Variants in PLXNA4 observed in about 807,000 individuals in gnomAD.
PLXNA4 encodes plexin-A4.
Under a neutral mutation model 191.8 loss-of-function variants are expected in PLXNA4, and 44 were observed. The observed-to-expected ratio is 0.23, with a 90% CI of 0.18 to 0.29. The LOEUF (loss-of-function observed/expected upper bound fraction) is 0.29, where lower values mean the gene tolerates loss of function less well. Among genes scored for constraint, PLXNA4 ranks in the 10% least tolerant of loss-of-function variants. The pLI is 1.00. For missense variants in PLXNA4, 1,800 were observed against 2,488.8 expected (o/e 0.72, Z 5.89); for synonymous variants, 1,082 against 1,009.5 (o/e 1.07, Z -1.36).
chr7:132,406,602 TATC>T (rs1343778980), intron 3 of PLXNA4, among the ~76,000 whole-genome samples: 1 of 152,138 alleles, frequency 6.6e-6, no homozygotes, highest in African/African-American at 2.4e-5. Flanking sequence ...ATCTGATTTT[TATC>T]ATGTCTCAAA....
intron 25 of PLXNA4, among the ~76,000 whole-genome samples, chr7:132,153,440 C>T (rs1436242498): frequency 6.6e-6 from 1 of 152,036 alleles, no homozygotes; most frequent in South Asian, 2.1e-4. Flanking sequence ...GGATGGCCAC[C>T]TTTGTCCAAA....
chr7:132,555,057 C>CAAAAAAAAAAACA (rs1329396023), intron 1 of PLXNA4, among the ~76,000 whole-genome samples: 1 of 131,960 alleles, frequency 7.6e-6, no homozygotes, highest in African/African-American at 3.3e-5. Flanking sequence ...AAAAAAAAAA[C>CAAAAAAAAAAACA]AAAAAAAAAA....
At chr7:132,274,589 C>T (rs1271517736) in intron 4 of PLXNA4, among the ~76,000 whole-genome samples, 4 of 152,006 alleles carry the variant, frequency 2.6e-5, no homozygotes, top group Non-Finnish European at 4.4e-5. Flanking sequence ...TCATTTCTAC[C>T]AAGTCCTCAA....
chr7:132,631,358 T>A (rs2116878988), intron 2 of PLXNA4, among the ~76,000 whole-genome samples: 1 of 152,254 alleles, frequency 6.6e-6, no homozygotes, highest in Non-Finnish European at 1.5e-5. Context: ...TCCTATTGAG[T>A]CCTCAAAACT....
At chr7:132,161,715 G>A (rs531558296) in intron 24 of PLXNA4, among the ~76,000 whole-genome samples, 16 of 151,916 alleles carry the variant, frequency 1.1e-4, no homozygotes, top group Admixed American at 2.0e-4. Flanking sequence ...GCTCCCGGGC[G>A]GGCACCTAGC....
At chr7:132,271,609 T>G (rs1240639520) in intron 4 of PLXNA4, among the ~76,000 whole-genome samples, 1 of 152,134 alleles carries the variant, frequency 6.6e-6, no homozygotes, top group African/African-American at 2.4e-5. Context: ...TAATCCATGT[T>G]GAATTTCTGA....
In PLXNA4 at chr7:132,482,688, C is replaced by T. The variant is rs953124345; in HGVS notation, c.1371+6604G>A. 6.2e-5 allele frequency among the ~76,000 whole-genome samples: 7 copies of T among 112,280 alleles called. No homozygotes were observed. The East Asian group carries it at 1.4e-3, about 22-fold the overall frequency. 73.7% of individuals were successfully genotyped at this position (112,280 alleles called of 152,430 possible). A position where few individuals can be genotyped will look rare whatever the true frequency, so the allele number is the denominator to read the frequency against. ...AGGTATGGAGTGAGTGTGGGAGCTT[C>T]GAGAAACTTTTTTTTTTTTTTTGAG... On this transcript the variant is annotated intron_variant, in intron 3 of 31. Transcript: ENST00000321063.
intron 2 of PLXNA4, among the ~76,000 whole-genome samples, chr7:132,612,097 C>T (rs568730950): frequency 6.6e-6 from 1 of 152,168 alleles, no homozygotes; most frequent in East Asian, 1.9e-4. Flanking sequence ...GGCAAAATGT[C>T]CCCTTGACAG....
chr7:132,277,976 G>A (rs1800340298), intron 4 of PLXNA4, among the ~76,000 whole-genome samples: 1 of 152,162 alleles, frequency 6.6e-6, no homozygotes, highest in South Asian at 2.1e-4. Flanking sequence ...TCGCTTGCCA[G>A]CCTCTCTACT....
intron 1 of PLXNA4, among the ~76,000 whole-genome samples, chr7:132,525,080 C>T (rs1440279435): frequency 1.3e-5 from 2 of 152,142 alleles, no homozygotes; most frequent in Non-Finnish European, 2.9e-5. Context: ...CATCCCCTCA[C>T]CCCCTGCCCC....
At chr7:132,439,296 G>T (rs1410989559) in intron 3 of PLXNA4, among the ~76,000 whole-genome samples, 4 of 152,058 alleles carry the variant, frequency 2.6e-5, no homozygotes, top group African/African-American at 9.7e-5. Context: ...CATCCCTGGG[G>T]GTCTCTGAAA....
At chr7:132,584,891 C>T (rs370791536) in intron 2 of PLXNA4, among the ~76,000 whole-genome samples, 1 of 152,156 alleles carries the variant, frequency 6.6e-6, no homozygotes, top group African/African-American at 2.4e-5. Flanking sequence ...CAGTCCTCTG[C>T]TCACTCTCTC....
chr7:132,302,430 A>G (rs1801343358), intron 3 of PLXNA4, among the ~76,000 whole-genome samples: 1 of 152,220 alleles, frequency 6.6e-6, no homozygotes, highest in African/African-American at 2.4e-5. Context: ...GTTGGTGCTT[A>G]GTAAGTAATT....
At chr7:132,513,271 A>C (rs1798801319) in intron 1 of PLXNA4, among the ~76,000 whole-genome samples, 1 of 152,220 alleles carries the variant, frequency 6.6e-6, no homozygotes, top group South Asian at 2.1e-4. Context: ...CGTTTAAAAT[A>C]GCAATTACCC....
chr7:132,562,086 CCCTCCTCCTTTCTCCT>C (rs1801176225), intron 1 of PLXNA4, among the ~76,000 whole-genome samples: 3 of 94,762 alleles, frequency 3.2e-5, no homozygotes, highest in African/African-American at 1.4e-4. Flanking sequence ...CTCCTCCTCT[CCCTCCTCCTTTCTCCT>C]CCTCCTCCTT....
At chr7:132,244,228 G>A (rs369454725) in intron 4 of PLXNA4, among the ~76,000 whole-genome samples, 9 of 152,140 alleles carry the variant, frequency 5.9e-5, no homozygotes, top group South Asian at 2.1e-4. Flanking sequence ...GGAACTGGGC[G>A]CGTTAGGTCT....
At position 132,165,220 on chromosome 7, in the gene PLXNA4, G is replaced by A; in HGVS notation, c.4287-20C>T. On this transcript the variant is annotated intron_variant, in intron 22 of 31. Transcript: ENST00000321063. Reference sequence around the variant, plus strand: ...TCAGTCCTGTCAGCAGTCACCGAGGGAACCAACGGAACAAGACAAAGAAAG... The same window carrying A: ...TCAGTCCTGTCAGCAGTCACCGAGGAAACCAACGGAACAAGACAAAGAAAG... 1 of 1,608,614 alleles carries A rather than the reference G, an allele frequency of 6.2e-7. No individual in the cohort carries two copies. The highest frequency in any genetic ancestry group is 1.7e-4 in the Middle Eastern group (1 of 6,022).
chr7:132,368,344 G>A (rs1804279583), intron 3 of PLXNA4, among the ~76,000 whole-genome samples: 1 of 152,162 alleles, frequency 6.6e-6, no homozygotes, highest in East Asian at 1.9e-4. Context: ...GGAGACATGG[G>A]GGAAGAGAGC....
In PLXNA4 at chr7:132,182,128, C is replaced by T. The variant is rs770599241; in HGVS notation, c.3221G>A (p.Arg1074His). Residue 1074 changes from arginine (R) to histidine (H), a missense_variant, in exon 17 of 32, where the codon CGT becomes CAT. By Grantham distance (29) the Arg-to-His change is conservative. Coordinates refer to ENST00000321063, the MANE Select transcript of PLXNA4 (RefSeq NM_020911.2). The stretch of plus-strand genomic sequence containing the variant: ...GTGCTCCTTCCCTCCATGCTTGGCA[C>T]GGATCTGGGGGTTCTGTATGAGGTC... ...HLDLIQNPQI[R>H]AKHGGKEHIN... The T allele has an allele frequency of 3.7e-6, 6 of 1,614,026 alleles. No homozygotes were observed. The highest frequency in any genetic ancestry group is 1.1e-5 in the South Asian group (1 of 91,090).
Sources: allele counts gnomAD v4.1 joint callset (sites outside exome capture counted in the v4.1 genomes callset), GRCh38; gene constraint gnomAD v4.1.1; transcripts MANE v1.5; gene names NCBI Gene and HGNC (gene_info 2026-07-23, HGNC 2026-07-21).